RNGTT: variants seen among roughly 807,000 people sequenced by gnomAD.
The protein encoded by RNGTT is mRNA-capping enzyme.
A neutral mutation model predicts 79.3 loss-of-function variants in RNGTT; 33 were observed. That is an observed-to-expected ratio of 0.42 (90% CI 0.32 to 0.56). RNGTT has a LOEUF of 0.56. Ranked by LOEUF, RNGTT falls within the 20% of genes least tolerant of loss-of-function variation. The probability of loss-of-function intolerance (pLI) is 0.17; values close to 1 mark genes in which losing one functional copy is unlikely to be tolerated. For missense variants in RNGTT, 497 were observed against 739.1 expected (o/e 0.67, Z 3.80); for synonymous variants, 222 against 235.9 (o/e 0.94, Z 0.54).
At chr6:88,860,824 TA>T (rs74369850) in intron 8 of RNGTT, among the ~76,000 whole-genome samples, 297 of 138,016 alleles carry the variant, frequency 2.2e-3, no homozygotes, top group Admixed American at 2.7e-3. Flanking sequence ...TTTTTTAACT[TA>T]AAAAAAAAAA....
intron 13 of RNGTT, among the ~76,000 whole-genome samples, chr6:88,756,401 C>T (rs951417180): frequency 4.0e-5 from 6 of 151,590 alleles, no homozygotes; most frequent in South Asian, 4.2e-4. Flanking sequence ...TGAACCAGGG[C>T]GGCGGAGGTT....
chr6:88,816,009 C>A (rs990204647), intron 11 of RNGTT, among the ~76,000 whole-genome samples: 1 of 151,984 alleles, frequency 6.6e-6, no homozygotes, highest in Non-Finnish European at 1.5e-5. Flanking sequence ...AGCTCAAAAT[C>A]ATATAAAAAT....
At chr6:88,697,148 T>C (rs181817431) in intron 13 of RNGTT, among the ~76,000 whole-genome samples, 530 of 152,278 alleles carry the variant, frequency 3.5e-3, no homozygotes, top group African/African-American at 0.012. Flanking sequence ...TGAACTATAA[T>C]CAAAATACAA....
At chr6:88,617,906 C>T (rs1772293572) in intron 14 of RNGTT, among the ~76,000 whole-genome samples, 1 of 151,620 alleles carries the variant, frequency 6.6e-6, no homozygotes. Flanking sequence ...ACTAAAGGAA[C>T]CATGATGACA....
chr6:88,649,416 T>C (rs529373704), intron 14 of RNGTT, among the ~76,000 whole-genome samples: 29 of 152,294 alleles, frequency 1.9e-4, no homozygotes, highest in African/African-American at 7.0e-4. Context: ...AAAAAGGTTC[T>C]AGCCGGGCGC....
At chr6:88,790,085 A>G (rs1454750950) in intron 12 of RNGTT, among the ~76,000 whole-genome samples, 1 of 152,246 alleles carries the variant, frequency 6.6e-6, no homozygotes, top group Non-Finnish European at 1.5e-5. Context: ...GGAGACTGAC[A>G]ATAGCAGAAA....
intron 11 of RNGTT, among the ~76,000 whole-genome samples, chr6:88,836,275 A>C (rs1381783742): frequency 1.3e-5 from 2 of 151,362 alleles, no homozygotes; most frequent in Admixed American, 1.3e-4. Flanking sequence ...AATTCCAAAA[A>C]GTAGAAAAGT....
chr6:88,775,293 A>T (rs1483102194), intron 12 of RNGTT, among the ~76,000 whole-genome samples: 3 of 152,200 alleles, frequency 2.0e-5, no homozygotes, highest in Non-Finnish European at 2.9e-5. Flanking sequence ...TATATAAAAC[A>T]ATATTATTAA....
intron 1 of RNGTT, among the ~76,000 whole-genome samples, chr6:88,951,716 G>A (rs1330989430): frequency 1.3e-5 from 2 of 152,102 alleles, no homozygotes; most frequent in East Asian, 1.9e-4. Context: ...TTAGAGAGCC[G>A]AGTGAAATAT....
intron 12 of RNGTT, among the ~76,000 whole-genome samples, chr6:88,788,139 G>A (rs1292397248): frequency 1.3e-5 from 2 of 152,166 alleles, no homozygotes; most frequent in African/African-American, 2.4e-5. Flanking sequence ...GTATCAGAGT[G>A]GGCAAAAAGA....
intron 11 of RNGTT, among the ~76,000 whole-genome samples, chr6:88,824,820 C>T (rs1354672623): frequency 2.0e-5 from 3 of 150,132 alleles, no homozygotes; most frequent in East Asian, 3.9e-4. Flanking sequence ...GGTGCGATCT[C>T]GGCTCACTGC....
intron 13 of RNGTT, among the ~76,000 whole-genome samples, chr6:88,741,706 C>G (rs780961928): frequency 6.6e-6 from 1 of 152,106 alleles, no homozygotes. Flanking sequence ...ATGAAGTCTT[C>G]GAAAGCACAT....
At chr6:88,664,855 C>T (rs1774336682) in intron 14 of RNGTT, among the ~76,000 whole-genome samples, 1 of 152,136 alleles carries the variant, frequency 6.6e-6, no homozygotes, top group Non-Finnish European at 1.5e-5. Context: ...AGTTTCTGGT[C>T]AATACTGGTG....
intron 11 of RNGTT, among the ~76,000 whole-genome samples, chr6:88,818,324 T>C (rs1044746806): frequency 9.9e-5 from 15 of 152,112 alleles, no homozygotes; most frequent in African/African-American, 3.6e-4. Context: ...GGCTCATGCC[T>C]GTAATCCCAG....
At chr6:88,740,237 A>G (rs1171475687) in intron 13 of RNGTT, among the ~76,000 whole-genome samples, 2 of 152,052 alleles carry the variant, frequency 1.3e-5, no homozygotes, top group African/African-American at 4.8e-5. Context: ...TGAAAACGGG[A>G]TCAGGCATGG....
At chr6:88,781,493 C>T (rs1044980734) in intron 12 of RNGTT, among the ~76,000 whole-genome samples, 2 of 152,194 alleles carry the variant, frequency 1.3e-5, no homozygotes, top group Middle Eastern at 3.4e-3. Flanking sequence ...GACAGTAATG[C>T]TACTAGAGAC....
intron 13 of RNGTT, among the ~76,000 whole-genome samples, chr6:88,691,440 A>G (rs1775478480): frequency 6.6e-6 from 1 of 152,232 alleles, no homozygotes; most frequent in South Asian, 2.1e-4. Context: ...AAGTGCAAGA[A>G]CAAACTAATA....
At chr6:88,744,549 C>T (rs1390873388) in intron 13 of RNGTT, among the ~76,000 whole-genome samples, 1 of 152,130 alleles carries the variant, frequency 6.6e-6, no homozygotes, top group Non-Finnish European at 1.5e-5. Flanking sequence ...CATGAGCCAC[C>T]GTGCCCGGCC....
At chr6:88,754,865 C>T (rs2127832360) in intron 13 of RNGTT, among the ~76,000 whole-genome samples, 1 of 152,320 alleles carries the variant, frequency 6.6e-6, no homozygotes, top group South Asian at 2.1e-4. Context: ...ATAAGGAATA[C>T]TTTTAGTTAA....
Sources: allele counts gnomAD v4.1 joint callset (sites outside exome capture counted in the v4.1 genomes callset), GRCh38; gene constraint gnomAD v4.1.1; transcripts MANE v1.5; gene names NCBI Gene and HGNC (gene_info 2026-07-23, HGNC 2026-07-21).